Variants in CHD7 observed in about 807,000 individuals in gnomAD.
CHD7 encodes ATP-dependent chromatin remodeler CHD7.
A neutral mutation model predicts 307.3 loss-of-function variants in CHD7; 24 were observed. That is an observed-to-expected ratio of 0.08 (90% CI 0.06 to 0.11). The LOEUF is 0.11. CHD7 is among the 10% of genes least tolerant of loss of function. The pLI is 1.00. For missense variants in CHD7, 3,106 were observed against 3,727.1 expected (o/e 0.83, Z 4.34); for synonymous variants, 1,363 against 1,349.9 (o/e 1.01, Z -0.21).
intron 3 of CHD7, among the ~76,000 whole-genome samples, chr8:60,782,011 A>G (rs1168066025): frequency 6.6e-6 from 1 of 152,164 alleles, no homozygotes; most frequent in Non-Finnish European, 1.5e-5. Flanking sequence ...CTTTCACTCC[A>G]TATTCCCCCC....
intron 1 of CHD7, among the ~76,000 whole-genome samples, chr8:60,711,939 T>C (rs1807300495): frequency 6.6e-6 from 1 of 152,258 alleles, no homozygotes; most frequent in Non-Finnish European, 1.5e-5. Flanking sequence ...AATGGCTGGT[T>C]GATTATAGAG....
rs71245516 is a variant in CHD7 at position 60,714,406 on chromosome 8, G to GCCCCCCCCCCCCCCCCCCCCCCC, written c.-174-26832_-174-26831insCCCCCCCCCCCCCCCCCCCCCCC. Among the ~76,000 whole-genome samples the GCCCCCCCCCCCCCCCCCCCCCCC allele has an allele frequency of 1.1e-4, 2 of 17,622 alleles. 1 individual carries two copies. The allele number at this position is 17,622 out of a possible 152,430, so 11.6% of individuals were successfully genotyped here. Reference sequence around the variant, plus strand: ...CTGACAACATGGCGGCCGGGAGAAGGCCCCCCCCCCCCCCCCCCCCCGCCC... The same window carrying GCCCCCCCCCCCCCCCCCCCCCCC: ...CTGACAACATGGCGGCCGGGAGAAGGCCCCCCCCCCCCCCCCCCCCCCCCCCCCCCCCCCCCCCCCCCCCGCCC... On this transcript the variant is annotated intron_variant, in intron 1 of 37. Transcript: ENST00000423902.
intron 1 of CHD7, among the ~76,000 whole-genome samples, chr8:60,691,021 G>T (rs1276100866): frequency 6.6e-6 from 1 of 152,122 alleles, no homozygotes; most frequent in Non-Finnish European, 1.5e-5. Context: ...CACCTCCTGG[G>T]TTCAAGCAAT....
intron 6 of CHD7, among the ~76,000 whole-genome samples, chr8:60,802,464 TTC>T (rs1476159971): frequency 6.6e-6 from 1 of 152,238 alleles, no homozygotes; most frequent in Non-Finnish European, 1.5e-5. Flanking sequence ...TTCCACACAG[TTC>T]TTTTGTTTTT....
intron 2 of CHD7, among the ~76,000 whole-genome samples, chr8:60,754,772 G>A (rs1169515432): frequency 6.6e-6 from 1 of 152,150 alleles, no homozygotes; most frequent in Non-Finnish European, 1.5e-5. Flanking sequence ...AACTTCAAAT[G>A]GCAGGTTAAG....
intron 1 of CHD7, among the ~76,000 whole-genome samples, chr8:60,711,051 G>C (rs951623211): frequency 2.0e-5 from 3 of 152,150 alleles, no homozygotes; most frequent in Non-Finnish European, 4.4e-5. Context: ...AAATAGACCA[G>C]TTGACATTTG....
At chr8:60,713,634 C>T (rs1435072988) in intron 1 of CHD7, among the ~76,000 whole-genome samples, 1 of 152,152 alleles carries the variant, frequency 6.6e-6, no homozygotes, top group East Asian at 1.9e-4. Flanking sequence ...AACGTTCTCT[C>T]TAGGGTGTCA....
intron 1 of CHD7, among the ~76,000 whole-genome samples, chr8:60,699,859 G>A (rs887994669): frequency 1.3e-5 from 2 of 150,424 alleles, no homozygotes; most frequent in Non-Finnish European, 3.0e-5. Context: ...TTTCGAGATA[G>A]AGTTTTGCTT....
intron 2 of CHD7, among the ~76,000 whole-genome samples, chr8:60,770,808 C>A (rs1316835798): frequency 6.6e-6 from 1 of 152,194 alleles, no homozygotes; most frequent in Non-Finnish European, 1.5e-5. Context: ...TGAACGGGTC[C>A]TACCTCTGCC....
chr8:60,758,182 C>T (rs894271458), intron 2 of CHD7, among the ~76,000 whole-genome samples: 2 of 152,102 alleles, frequency 1.3e-5, no homozygotes, highest in Non-Finnish European at 2.9e-5. Context: ...GTCACCCAGG[C>T]TGGAGTGCAG....
intron 2 of CHD7, among the ~76,000 whole-genome samples, chr8:60,768,747 G>C (rs965742705): frequency 1.3e-5 from 2 of 152,104 alleles, no homozygotes; most frequent in Admixed American, 1.3e-4. Flanking sequence ...CTCTTGGTCA[G>C]TACTGGACTA....
chr8:60,685,551 G>C (rs1241098930), intron 1 of CHD7, among the ~76,000 whole-genome samples: 6 of 152,216 alleles, frequency 3.9e-5, no homozygotes, highest in Non-Finnish European at 8.8e-5. Context: ...CGGGGCTGCA[G>C]TCTCCCTCGG....
intron 3 of CHD7, among the ~76,000 whole-genome samples, chr8:60,794,501 G>C (rs1000251858): frequency 6.6e-6 from 1 of 152,110 alleles, no homozygotes; most frequent in Non-Finnish European, 1.5e-5. Flanking sequence ...CATTCTAAAA[G>C]ATTATAAGTT....
At chr8:60,714,963 A>G (rs1337165256) in intron 1 of CHD7, among the ~76,000 whole-genome samples, 1 of 152,232 alleles carries the variant, frequency 6.6e-6, no homozygotes, top group Non-Finnish European at 1.5e-5. Flanking sequence ...GGGGAGGGGC[A>G]GGAGGGAATA....
rs745944842 is a variant in CHD7, at chr8:60,865,742, G to A, written c.8803G>A (p.Glu2935Lys). Residue 2935 changes from glutamate to lysine, a missense_variant, in exon 38 of 38, where the codon GAA becomes AAA. Glu to Lys is a moderately conservative substitution (Grantham distance 56, BLOSUM62 1). This residue lies in a region of CHD7 where 351 missense variants were observed against 366.2 expected (regional missense o/e 0.96). Coordinates refer to ENST00000423902, the MANE Select transcript of CHD7 (RefSeq NM_017780.4). This position sits in a 1 kb window ranked among gnomAD's most constrained non-coding sequence, Gnocchi z 4.3. ...ACTTCAGAATGCCGTGGGCTCCAGCGAAGAAAAGGCTGCTGACAAGGCTGA... is the reference window on the plus strand; with the variant it reads ...ACTTCAGAATGCCGTGGGCTCCAGCAAAGAAAAGGCTGCTGACAAGGCTGA... ...AGLQNAVGSS[E>K]EKAADKAEGG... The A allele has an allele frequency of 9.3e-6, 15 of 1,612,172 alleles. No homozygotes were observed. Among genetic ancestry groups the A allele is most frequent in the East Asian group, 2.2e-5 (1 of 44,860 alleles).
chr8:60,766,673 AC>A (rs1810483119), intron 2 of CHD7, among the ~76,000 whole-genome samples: 1 of 152,194 alleles, frequency 6.6e-6, no homozygotes, highest in Non-Finnish European at 1.5e-5. Flanking sequence ...CAAATGTAAG[AC>A]TAAGTGAAGG....
intron 1 of CHD7, among the ~76,000 whole-genome samples, chr8:60,724,680 A>G (rs1808081719): frequency 6.6e-6 from 1 of 152,160 alleles, no homozygotes. Flanking sequence ...CAGCCATTAT[A>G]TTCCATTTTT....
At chr8:60,771,867 A>G (rs1443677956) in intron 2 of CHD7, among the ~76,000 whole-genome samples, 1 of 152,172 alleles carries the variant, frequency 6.6e-6, no homozygotes, top group East Asian at 1.9e-4. Context: ...TCCCACCCTC[A>G]AGAAGGGTCC....
chr8:60,830,629 A>G (rs1200464661), intron 15 of CHD7, 52 bp downstream of exon 15: 1 of 1,589,898 alleles, frequency 6.3e-7, no homozygotes, highest in South Asian at 1.1e-5. Flanking sequence ...AAGCACCAGA[A>G]ATCCCTTTCT....
Sources: gnomAD v4.1 joint callset for allele counts (sites outside exome capture counted in the v4.1 genomes callset) on GRCh38, gnomAD v4.1.1 for gene constraint, gnomAD v4.1.1 regional missense constraint, Gnocchi (gnomAD v3.1) non-coding constraint, MANE v1.5 for transcripts, NCBI Gene and HGNC (gene_info 2026-07-23, HGNC 2026-07-21) for gene names.